The following DLG2 variants were observed in gnomAD, a reference collection of about 807,000 sequenced individuals.
DLG2 encodes disks large homolog 2.
DLG2 carries 45 observed loss-of-function variants against 132.5 expected under a neutral mutation model. The observed-to-expected ratio is 0.34, with a 90% CI of 0.27 to 0.44. The LOEUF is 0.44. Among genes scored for constraint, DLG2 ranks in the 20% least tolerant of loss-of-function variants. The pLI, the probability that DLG2 is intolerant of heterozygous loss-of-function variation, is 1.00. For synonymous variants in DLG2, 424 were observed against 419.6 expected, an observed-to-expected ratio of 1.01 and a Z score of -0.13; for missense variants, 1,045 against 1,196.9, an observed-to-expected ratio of 0.87 and a Z score of 1.87.
chr11:84,785,807 C>G (rs1225134547), intron 6 of DLG2, among the ~76,000 whole-genome samples: 1 of 151,706 alleles, frequency 6.6e-6, no homozygotes, highest in Non-Finnish European at 1.5e-5. Flanking sequence ...CTTATTTTGA[C>G]CAGTGGAAGC....
intron 7 of DLG2, among the ~76,000 whole-genome samples, chr11:84,422,153 T>C (rs1425453444): frequency 6.6e-6 from 1 of 152,238 alleles, no homozygotes; most frequent in Admixed American, 6.5e-5. Flanking sequence ...GATACTTAAA[T>C]GAGAATACAT....
At chr11:84,974,759 A>G (rs1280736405) in intron 6 of DLG2, among the ~76,000 whole-genome samples, 2 of 152,232 alleles carry the variant, frequency 1.3e-5, no homozygotes, top group African/African-American at 2.4e-5. Flanking sequence ...TTAGTGAATC[A>G]GAAACTATGG....
At chr11:83,576,933 T>C (rs1404585053) in intron 19 of DLG2, among the ~76,000 whole-genome samples, 1 of 152,186 alleles carries the variant, frequency 6.6e-6, no homozygotes, top group Admixed American at 6.6e-5. Flanking sequence ...CTGTGATGGT[T>C]AATACTGAGT....
At chr11:84,402,356 A>C (rs949944239) in intron 7 of DLG2, among the ~76,000 whole-genome samples, 5 of 152,164 alleles carry the variant, frequency 3.3e-5, no homozygotes, top group African/African-American at 7.2e-5. Context: ...AATGGTTAAG[A>C]TCTGGAGTCA....
intron 2 of DLG2, among the ~76,000 whole-genome samples, chr11:85,599,646 CAAGT>C (rs1591178479): frequency 6.6e-6 from 1 of 152,130 alleles, no homozygotes; most frequent in East Asian, 1.9e-4. Context: ...AGAAAATAAT[CAAGT>C]AAGTCAACTG....
intron 3 of DLG2, among the ~76,000 whole-genome samples, chr11:85,419,896 G>C (rs1228942935): frequency 6.6e-6 from 1 of 151,920 alleles, no homozygotes; most frequent in Non-Finnish European, 1.5e-5. Context: ...TAGCTAGGAG[G>C]AGTTTGTTAT....
intron 19 of DLG2, among the ~76,000 whole-genome samples, chr11:83,598,133 ATG>A (rs2057931731): frequency 6.6e-6 from 1 of 152,312 alleles, no homozygotes; most frequent in Non-Finnish European, 1.5e-5. Flanking sequence ...TTCAGAGGAT[ATG>A]TGTTTTGCAT....
chr11:83,460,708 T>C (rs1415828616), intron 27 of DLG2, among the ~76,000 whole-genome samples: 7 of 152,266 alleles, frequency 4.6e-5, no homozygotes, highest in African/African-American at 9.6e-5. Context: ...TAAAAATAAA[T>C]TACTACTGAA....
At chr11:84,662,163 TA>T (rs1321064502) in intron 6 of DLG2, among the ~76,000 whole-genome samples, 1 of 151,758 alleles carries the variant, frequency 6.6e-6, no homozygotes, top group Non-Finnish European at 1.5e-5. Flanking sequence ...AGATCATCAG[TA>T]CTTAGAGTCA....
intron 4 of DLG2, among the ~76,000 whole-genome samples, chr11:85,165,565 C>T (rs759762950): frequency 1.3e-5 from 2 of 152,122 alleles, no homozygotes; most frequent in African/African-American, 2.4e-5. Context: ...CTTTTTATTC[C>T]TTAGTTCTGC....
At chr11:84,201,205 T>C (rs896969211) in intron 8 of DLG2, among the ~76,000 whole-genome samples, 6 of 152,190 alleles carry the variant, frequency 3.9e-5, no homozygotes, top group African/African-American at 1.4e-4. Context: ...GAGATAATCA[T>C]GTGGTTTTTG....
At chr11:84,615,489 C>T (rs1184425473) in intron 6 of DLG2, among the ~76,000 whole-genome samples, 1 of 151,952 alleles carries the variant, frequency 6.6e-6, no homozygotes, top group Admixed American at 6.6e-5. Flanking sequence ...CACAATACAG[C>T]CTTTCATTAA....
chr11:84,860,885 T>A (rs2083520057), intron 6 of DLG2, among the ~76,000 whole-genome samples: 1 of 151,434 alleles, frequency 6.6e-6, no homozygotes, highest in African/African-American at 2.4e-5. Flanking sequence ...GGAGGGGTGA[T>A]AAATAAATAC....
At chr11:84,298,212 A>T (rs1367967130) in intron 7 of DLG2, among the ~76,000 whole-genome samples, 1 of 152,234 alleles carries the variant, frequency 6.6e-6, no homozygotes, top group African/African-American at 2.4e-5. Context: ...TATGTTTGCA[A>T]ATGAATAAAC....
At chr11:84,843,927 G>C (rs2081036876) in intron 6 of DLG2, among the ~76,000 whole-genome samples, 1 of 150,364 alleles carries the variant, frequency 6.7e-6, no homozygotes, top group Non-Finnish European at 1.5e-5. Context: ...GTATATATAT[G>C]TTCCCATTAT....
intron 7 of DLG2, among the ~76,000 whole-genome samples, chr11:84,353,159 T>A (rs2154414966): frequency 6.6e-6 from 1 of 152,350 alleles, no homozygotes; most frequent in Non-Finnish European, 1.5e-5. Flanking sequence ...CACCTCTCAC[T>A]TGCTTCTCAA....
At chr11:85,245,232 A>G (rs986006972) in intron 4 of DLG2, among the ~76,000 whole-genome samples, 3 of 151,998 alleles carry the variant, frequency 2.0e-5, no homozygotes, top group Admixed American at 6.6e-5. Flanking sequence ...TGTAAATGTT[A>G]CATCTTCTGT....
intron 6 of DLG2, among the ~76,000 whole-genome samples, chr11:85,032,171 G>C (rs560801811): frequency 4.5e-4 from 69 of 152,064 alleles, no homozygotes; most frequent in African/African-American, 1.6e-3. Flanking sequence ...TGTTGAAGTA[G>C]AGCTTTTCAT....
At position 83,458,891 on chromosome 11, in the gene DLG2, G is replaced by T. The variant is rs753812991; in HGVS notation, c.*927C>A. On this transcript the variant is annotated 3_prime_UTR_variant, in exon 28 of 28. Coordinates refer to ENST00000376104, the MANE Select transcript of DLG2 (RefSeq NM_001142699.3). ...AGTGTATCACTAATGTGGAAGGGAGGTAAGTGAGGAAGAAGTCTTTGTCAG... is the reference window on the plus strand; with the variant it reads ...AGTGTATCACTAATGTGGAAGGGAGTTAAGTGAGGAAGAAGTCTTTGTCAG... The T allele has an allele frequency of 1.3e-5, 2 of 152,240 alleles. No homozygotes were observed. 9.4% of individuals were successfully genotyped at this position (152,240 alleles called of 1,614,324 possible). A position where few individuals can be genotyped will look rare whatever the true frequency, so the allele number is the denominator to read the frequency against.
Sources: allele counts gnomAD v4.1 joint callset (sites outside exome capture counted in the v4.1 genomes callset), GRCh38; gene constraint gnomAD v4.1.1; transcripts MANE v1.5; gene names NCBI Gene and HGNC (gene_info 2026-07-23, HGNC 2026-07-21).